Variants in ZMIZ1 observed in about 807,000 individuals in gnomAD.
ZMIZ1 encodes the protein zinc finger MIZ domain-containing protein 1.
Under a neutral mutation model 113.9 loss-of-function variants are expected in ZMIZ1, and 17 were observed. The observed-to-expected ratio is 0.15, with a 90% CI of 0.10 to 0.22. ZMIZ1 has a LOEUF of 0.22. Among genes scored for constraint, ZMIZ1 ranks in the 10% least tolerant of loss-of-function variants. The pLI, the probability that ZMIZ1 is intolerant of heterozygous loss-of-function variation, is 1.00. For missense variants in ZMIZ1, 1,059 were observed against 1,477.8 expected (o/e 0.72, Z 4.65); for synonymous variants, 607 against 603.1 (o/e 1.01, Z -0.09).
At chr10:79,141,824 TGTCAGGATAGGGGGCGAA>T (rs1816501867) in intron 3 of ZMIZ1, among the ~76,000 whole-genome samples, 1 of 152,242 alleles carries the variant, frequency 6.6e-6, no homozygotes, top group Admixed American at 6.5e-5. Flanking sequence ...GCTGGGAGGA[TGTCAGGATAGGGGGCGAA>T]GTCAGAGAGA....
At chr10:79,218,583 G>GT (rs1368819645) in intron 7 of ZMIZ1, among the ~76,000 whole-genome samples, 3 of 99,800 alleles carry the variant, frequency 3.0e-5, no homozygotes, top group South Asian at 4.0e-4. Context: ...ATAATTAGAG[G>GT]GGTGTGTGTG....
intron 1 of ZMIZ1, among the ~76,000 whole-genome samples, chr10:79,107,903 G>T (rs1843614737): frequency 6.6e-6 from 1 of 152,176 alleles, no homozygotes; most frequent in Non-Finnish European, 1.5e-5. Context: ...AGTCCTGCCT[G>T]AGGGCCCTGG....
chr10:79,238,018 G>T (rs765123041), intron 7 of ZMIZ1, among the ~76,000 whole-genome samples: 1 of 152,174 alleles, frequency 6.6e-6, no homozygotes, highest in Non-Finnish European at 1.5e-5. Context: ...TCCTGTCTCC[G>T]CCCTAGCCCT....
At chr10:79,280,015 A>G (rs528248969) in intron 8 of ZMIZ1, among the ~76,000 whole-genome samples, 48 of 148,192 alleles carry the variant, frequency 3.2e-4, no homozygotes, top group African/African-American at 1.2e-3. Flanking sequence ...TTTGGACAAG[A>G]TCTGGTTCTG....
intron 1 of ZMIZ1, among the ~76,000 whole-genome samples, chr10:79,112,007 G>A (rs1050167813): frequency 6.6e-6 from 1 of 152,354 alleles, no homozygotes; most frequent in South Asian, 2.1e-4. Flanking sequence ...CATAGGCAAA[G>A]GCCCTGGGGC....
chr10:79,251,237 AC>A (rs1850539545), intron 7 of ZMIZ1, among the ~76,000 whole-genome samples: 1 of 151,600 alleles, frequency 6.6e-6, no homozygotes, highest in Non-Finnish European at 1.5e-5. Context: ...ACACACCGGG[AC>A]CTCTCACCCT....
intron 8 of ZMIZ1, among the ~76,000 whole-genome samples, chr10:79,288,693 T>A (rs904930183): frequency 1.3e-5 from 2 of 152,116 alleles, no homozygotes; most frequent in East Asian, 3.9e-4. Flanking sequence ...GGCAGCTTCA[T>A]CCCCAGCCTC....
chr10:79,296,752 C>A lies in ZMIZ1; in HGVS notation c.1413+99C>A. 1 of 1,249,418 alleles carries A rather than the reference C, an allele frequency of 8.0e-7. No individual in the cohort carries two copies. The highest frequency in any genetic ancestry group is 1.1e-6 in the Non-Finnish European group (1 of 923,226). The allele number at this position is 1,249,418 out of a possible 1,614,324, so 77.4% of individuals were successfully genotyped here. On this transcript the variant is annotated intron_variant, in intron 13 of 24. Coordinates refer to ENST00000334512, the MANE Select transcript of ZMIZ1 (RefSeq NM_020338.4). The surrounding 1 kb of genome is among the most constrained non-coding windows in gnomAD (Gnocchi z 4.1). ...ATCACTCTGACCCTGCGTGTGTTTG[C>A]CCCAAGGACAGCGAGGGGTGGGTGA...
chr10:79,103,444 A>G (rs966719913), intron 1 of ZMIZ1, among the ~76,000 whole-genome samples: 2 of 151,846 alleles, frequency 1.3e-5, no homozygotes, highest in African/African-American at 2.4e-5. Context: ...GGGAGGGTGA[A>G]CGGTGGAAAT....
chr10:79,119,624 T>C (rs1271745268), intron 2 of ZMIZ1, among the ~76,000 whole-genome samples: 1 of 152,180 alleles, frequency 6.6e-6, no homozygotes, highest in Non-Finnish European at 1.5e-5. Flanking sequence ...TCCTAGCTTC[T>C]TTTTGGGGGT....
intron 3 of ZMIZ1, among the ~76,000 whole-genome samples, chr10:79,148,322 G>A (rs1308297165): frequency 6.6e-6 from 1 of 152,224 alleles, no homozygotes; most frequent in Admixed American, 6.5e-5. Context: ...AGGAGGCAGG[G>A]CATGGCTGAC....
At chr10:79,241,248 AT>A (rs1849816608) in intron 7 of ZMIZ1, among the ~76,000 whole-genome samples, 1 of 152,136 alleles carries the variant, frequency 6.6e-6, no homozygotes, top group Admixed American at 6.5e-5. Context: ...TCTGGGTGTC[AT>A]TTGCTGAGCA....
intron 3 of ZMIZ1, among the ~76,000 whole-genome samples, chr10:79,159,522 T>C (rs1846025211): frequency 6.6e-6 from 1 of 152,202 alleles, no homozygotes; most frequent in South Asian, 2.1e-4. Flanking sequence ...ATGGGCTGCT[T>C]ACTCACATCC....
chr10:79,101,727 G>A (rs1402609638), intron 1 of ZMIZ1, among the ~76,000 whole-genome samples: 2 of 152,140 alleles, frequency 1.3e-5, no homozygotes, highest in South Asian at 2.1e-4. Context: ...GGTGACGGCC[G>A]TCCTGGCAGG....
At position 79,315,549 on chromosome 10, in the gene ZMIZ1, A is replaced by G. The variant is rs985901735; in HGVS notation, c.*2800A>G. Reference sequence around the variant, plus strand: ...ACAGGGAGCCAGCAGGCAGGCGGGAAGGGCCAAGTACAGGCAATCACCCCC... The same window carrying G: ...ACAGGGAGCCAGCAGGCAGGCGGGAGGGGCCAAGTACAGGCAATCACCCCC... On this transcript the variant is annotated 3_prime_UTR_variant, in exon 25 of 25. Coordinates refer to ENST00000334512, the MANE Select transcript of ZMIZ1 (RefSeq NM_020338.4). 8.5e-5 allele frequency: 13 copies of G among 152,846 alleles called. No homozygotes were observed. The highest frequency in any genetic ancestry group is 3.1e-4 in the African/African-American group (13 of 41,466). 9.5% of individuals were successfully genotyped at this position (152,846 alleles called of 1,614,324 possible). A position where few individuals can be genotyped will look rare whatever the true frequency, so the allele number is the denominator to read the frequency against.
intron 12 of ZMIZ1, chr10:79,294,320 C>T (rs1479880798): frequency 6.4e-6 from 1 of 156,038 alleles, no homozygotes; most frequent in Non-Finnish European, 1.4e-5. Context: ...TCCATCCACA[C>T]TTGGTCACTG....
At chr10:79,282,088 C>A (rs548409472) in intron 8 of ZMIZ1, among the ~76,000 whole-genome samples, 1 of 152,296 alleles carries the variant, frequency 6.6e-6, no homozygotes, top group African/African-American at 2.4e-5. Context: ...TCCTTGCAAC[C>A]TTTAGGAATT....
chr10:79,129,038 T>C (rs543841941), intron 2 of ZMIZ1, among the ~76,000 whole-genome samples: 1 of 152,276 alleles, frequency 6.6e-6, no homozygotes, highest in South Asian at 2.1e-4. Context: ...CTGGTACTCA[T>C]AGTAGTAAGA....
At position 79,313,089 on chromosome 10, in the gene ZMIZ1, C is replaced by G. The variant is rs574313065; in HGVS notation, c.*340C>G. ...GGCTTCCCGGTCCCTCCGCGTGTGC[C>G]GATTCCAGATGACCTTCCAGTGTCC... On this transcript the variant is annotated 3_prime_UTR_variant, in exon 25 of 25. Transcript: ENST00000334512. 2 of 286,142 alleles carry G rather than the reference C, an allele frequency of 7.0e-6. No homozygotes were observed. Among genetic ancestry groups the G allele is most frequent in the Non-Finnish European group, 1.3e-5 (2 of 149,834 alleles). The allele number at this position is 286,142 out of a possible 1,614,324, so 17.7% of individuals were successfully genotyped here.
Sources: allele counts gnomAD v4.1 joint callset (sites outside exome capture counted in the v4.1 genomes callset), GRCh38; gene constraint gnomAD v4.1.1; non-coding constraint Gnocchi (gnomAD v3.1); transcripts MANE v1.5; gene names NCBI Gene and HGNC (gene_info 2026-07-23, HGNC 2026-07-21).